Variants in BICC1 observed in about 807,000 individuals in gnomAD.
The protein encoded by BICC1 is protein bicaudal C homolog 1.
BICC1 carries 43 observed loss-of-function variants against 111.0 expected under a neutral mutation model. That is an observed-to-expected ratio of 0.39 (90% CI 0.30 to 0.50). The LOEUF (loss-of-function observed/expected upper bound fraction) is 0.50. Ranked by LOEUF, BICC1 falls within the 20% of genes least tolerant of loss-of-function variation. The probability of loss-of-function intolerance (pLI) is 0.88; values close to 1 mark genes in which losing one functional copy is unlikely to be tolerated. For missense variants in BICC1, 1,091 were observed against 1,203.2 expected, an observed-to-expected ratio of 0.91 and a Z score of 1.38; for synonymous variants, 467 against 434.4, an observed-to-expected ratio of 1.07 and a Z score of -0.93.
chr10:58,690,699 A>G (rs557088694), intron 2 of BICC1, among the ~76,000 whole-genome samples: 11 of 152,260 alleles, frequency 7.2e-5, no homozygotes, highest in African/African-American at 2.6e-4. Flanking sequence ...CAGTGTTGCC[A>G]TTATAGATCT....
At chr10:58,708,375 A>C (rs1240903659) in intron 3 of BICC1, among the ~76,000 whole-genome samples, 3 of 151,692 alleles carry the variant, frequency 2.0e-5, no homozygotes, top group Non-Finnish European at 4.4e-5. Flanking sequence ...TAATGCTCCA[A>C]GTGAAGCGGC....
intron 2 of BICC1, among the ~76,000 whole-genome samples, chr10:58,680,970 A>G (rs928731607): frequency 2.6e-5 from 4 of 152,210 alleles, no homozygotes; most frequent in Non-Finnish European, 5.9e-5. Flanking sequence ...GGCTAGCCAT[A>G]TGCAGAAAAT....
At chr10:58,791,571 A>G (rs909256625) in intron 8 of BICC1, among the ~76,000 whole-genome samples, 3 of 152,042 alleles carry the variant, frequency 2.0e-5, no homozygotes, top group Admixed American at 1.3e-4. Flanking sequence ...CCCCATCTCT[A>G]CTAAAAATAC....
At chr10:58,668,844 T>A in intron 2 of BICC1, among the ~76,000 whole-genome samples, 1 of 152,018 alleles carries the variant, frequency 6.6e-6, no homozygotes, top group East Asian at 1.9e-4. Flanking sequence ...CTTAGCTTTT[T>A]CTCCCTACCA....
chr10:58,520,928 T>C (rs1162413851), intron 1 of BICC1, among the ~76,000 whole-genome samples: 3 of 152,184 alleles, frequency 2.0e-5, no homozygotes, highest in Non-Finnish European at 1.5e-5. Flanking sequence ...TCAGGTGCAG[T>C]GTTGAGCTTT....
At chr10:58,597,905 A>G (rs1031687752) in intron 1 of BICC1, among the ~76,000 whole-genome samples, 3 of 151,982 alleles carry the variant, frequency 2.0e-5, no homozygotes, top group Admixed American at 6.6e-5. Flanking sequence ...TTCAAGGTGC[A>G]CTGATTTCAT....
In BICC1 at chr10:58,646,280, G is replaced by A. The variant is rs188697178; in HGVS notation, c.237+25379G>A. On this transcript the variant is annotated intron_variant, in intron 2 of 20. Coordinates refer to ENST00000373886, the MANE Select transcript of BICC1 (RefSeq NM_001080512.3). ...TTTTAAATGCGTTGATCATATTGGGGCAAAGTGCTAATAAATATAATTTTC... is the reference window on the plus strand; with the variant it reads ...TTTTAAATGCGTTGATCATATTGGGACAAAGTGCTAATAAATATAATTTTC... Among the ~76,000 whole-genome samples, 7 of 152,230 alleles carry A rather than the reference G, an allele frequency of 4.6e-5. No individual in the cohort carries two copies. The East Asian group carries it at 1.2e-3, about 25-fold the overall frequency.
intron 3 of BICC1, among the ~76,000 whole-genome samples, chr10:58,777,048 A>T (rs1589128660): frequency 6.6e-6 from 1 of 151,810 alleles, no homozygotes; most frequent in East Asian, 1.9e-4. Flanking sequence ...GTGGTTTATA[A>T]GATAAGGTAG....
Position 58,796,380 on chromosome 10 carries a change from T to C in BICC1, c.1220T>C (p.Met407Thr). 3 of 1,614,028 alleles carry C rather than the reference T, an allele frequency of 1.9e-6. No individual in the cohort carries two copies. The highest frequency in any genetic ancestry group is 2.5e-6 in the Non-Finnish European group (3 of 1,179,992). The change falls in exon 10 of 21, where the codon ATG becomes ACG. Residue 407 changes from methionine (M) to threonine (T), a missense_variant. This residue lies in a region of BICC1 where 843 missense variants were observed against 900.8 expected (regional missense o/e 0.94). Coordinates refer to ENST00000373886, the MANE Select transcript of BICC1 (RefSeq NM_001080512.3). ...AGTGTTGAGCGAAATGCCTTAAATA[T>C]GTATGAAGCAAGGAAATGTCTCCTC... is the stretch of plus-strand genomic sequence containing the variant. ...VKSVERNALN[M>T]YEARKCLLGL...
chr10:58,597,526 A>G (rs1049232521), intron 1 of BICC1, among the ~76,000 whole-genome samples: 13 of 152,104 alleles, frequency 8.5e-5, no homozygotes, highest in African/African-American at 2.7e-4. Context: ...AACAGCAGAA[A>G]ACAGAGTTTG....
At chr10:58,821,329 G>A (rs963832850) in intron 20 of BICC1, among the ~76,000 whole-genome samples, 7 of 152,164 alleles carry the variant, frequency 4.6e-5, no homozygotes, top group African/African-American at 1.4e-4. Context: ...GCGGAAAAAT[G>A]AATGCTTTTT....
chr10:58,694,506 G>A (rs1054719123), intron 2 of BICC1, among the ~76,000 whole-genome samples: 1 of 152,176 alleles, frequency 6.6e-6, no homozygotes, highest in African/African-American at 2.4e-5. Flanking sequence ...TTGAGGGATT[G>A]GTGGGTTTTC....
At chr10:58,596,704 CAA>C (rs1413698022) in intron 1 of BICC1, among the ~76,000 whole-genome samples, 2 of 152,184 alleles carry the variant, frequency 1.3e-5, no homozygotes, top group Non-Finnish European at 2.9e-5. Flanking sequence ...GCAACTTCAG[CAA>C]AGTCTCAGGA....
At chr10:58,784,837 T>G (rs1842966791) in intron 3 of BICC1, among the ~76,000 whole-genome samples, 164 bp from the exon 4 acceptor site, 2 of 152,202 alleles carry the variant, frequency 1.3e-5, no homozygotes, top group African/African-American at 2.4e-5. Context: ...TTCCTGTTGT[T>G]GTTACAATAA....
chr10:58,672,330 T>G (rs1056686958), intron 2 of BICC1, among the ~76,000 whole-genome samples: 8 of 152,104 alleles, frequency 5.3e-5, no homozygotes, highest in Non-Finnish European at 4.4e-5. Flanking sequence ...TCTCAGTAGA[T>G]TTACTTTTTA....
At position 58,827,441 on chromosome 10, in the gene BICC1, C is replaced by CAA. The variant is rs1052318063; in HGVS notation, c.2795-1313_2795-1312dup. On this transcript the variant is annotated intron_variant, in intron 20 of 20. Coordinates refer to ENST00000373886, the MANE Select transcript of BICC1 (RefSeq NM_001080512.3). ...ATCATGAAAGAAATTGTGGATATGG[C>CAA]AAAAAAAATAATAAATAAAGGTAAA... 1.2e-3 allele frequency among the ~76,000 whole-genome samples: 184 copies of CAA among 151,408 alleles called. 1 individual carries two copies. The highest frequency in any genetic ancestry group is 4.3e-3 in the African/African-American group (176 of 41,300).
At chr10:58,758,214 C>T (rs530334964) in intron 3 of BICC1, among the ~76,000 whole-genome samples, 5 of 152,246 alleles carry the variant, frequency 3.3e-5, no homozygotes, top group African/African-American at 1.2e-4. Context: ...CATATAAACA[C>T]TTACAGAATA....
At chr10:58,636,936 T>C (rs1013069679) in intron 2 of BICC1, among the ~76,000 whole-genome samples, 3 of 152,152 alleles carry the variant, frequency 2.0e-5, no homozygotes, top group African/African-American at 7.2e-5. Context: ...TTCATTCTAG[T>C]GTTTGCATCC....
chr10:58,695,284 T>C (rs1309466017), intron 2 of BICC1, among the ~76,000 whole-genome samples: 1 of 152,190 alleles, frequency 6.6e-6, no homozygotes, highest in Non-Finnish European at 1.5e-5. Flanking sequence ...CTTAGTTGGC[T>C]CTTTTCTCAC....
Sources: gnomAD v4.1 joint callset for allele counts (sites outside exome capture counted in the v4.1 genomes callset) on GRCh38, gnomAD v4.1.1 for gene constraint, gnomAD v4.1.1 regional missense constraint, MANE v1.5 for transcripts, NCBI Gene and HGNC (gene_info 2026-07-23, HGNC 2026-07-21) for gene names.